SYT9: variants seen among roughly 807,000 people sequenced by gnomAD.
SYT9 encodes synaptotagmin-9.
Under a neutral mutation model 48.4 loss-of-function variants are expected in SYT9, and 22 were observed. That is an observed-to-expected ratio of 0.45 (90% CI 0.32 to 0.65). The LOEUF is 0.65. SYT9 is among the 30% of genes least tolerant of loss of function. The pLI is 0.03. For missense variants in SYT9, 577 were observed against 622.0 expected, an observed-to-expected ratio of 0.93 and a Z score of 0.77; for synonymous variants, 265 against 245.0, an observed-to-expected ratio of 1.08 and a Z score of -0.76.
chr11:7,368,906 A>T (rs2134026793), intron 3 of SYT9, among the ~76,000 whole-genome samples: 1 of 152,282 alleles, frequency 6.6e-6, no homozygotes, highest in African/African-American at 2.4e-5. Context: ...GGGTGGTTCT[A>T]AGTCTTTGCC....
At chr11:7,373,299 T>C (rs1283637566) in intron 3 of SYT9, among the ~76,000 whole-genome samples, 2 of 152,094 alleles carry the variant, frequency 1.3e-5, no homozygotes, top group Admixed American at 1.3e-4. Flanking sequence ...GTTGGAGCAT[T>C]GTTATTATTT....
intron 3 of SYT9, among the ~76,000 whole-genome samples, chr11:7,339,999 T>G (rs1849687973): frequency 6.6e-6 from 1 of 152,234 alleles, no homozygotes; most frequent in Non-Finnish European, 1.5e-5. Flanking sequence ...TGACAATGAT[T>G]AATAGATTTG....
chr11:7,376,212 A>T (rs892236890), intron 3 of SYT9, among the ~76,000 whole-genome samples: 1 of 152,034 alleles, frequency 6.6e-6, no homozygotes, highest in African/African-American at 2.4e-5. Context: ...AATATATTTA[A>T]TAAATGAATG....
intron 3 of SYT9, among the ~76,000 whole-genome samples, chr11:7,345,310 G>A (rs559342734): frequency 6.6e-6 from 1 of 152,302 alleles, no homozygotes; most frequent in South Asian, 2.1e-4. Context: ...GACATGGGCA[G>A]TTTTAGTTCT....
intron 6 of SYT9, among the ~76,000 whole-genome samples, chr11:7,428,571 T>G (rs1847510056): frequency 6.6e-6 from 1 of 152,186 alleles, no homozygotes; most frequent in African/African-American, 2.4e-5. Flanking sequence ...CAGAGGACAC[T>G]CAGGAAGCCC....
intron 3 of SYT9, among the ~76,000 whole-genome samples, chr11:7,394,596 G>A (rs1021073259): frequency 5.3e-5 from 8 of 152,042 alleles, no homozygotes; most frequent in African/African-American, 1.9e-4. Flanking sequence ...GCTAGTAGTC[G>A]ATTAATCTTG....
intron 6 of SYT9, among the ~76,000 whole-genome samples, chr11:7,423,588 T>C (rs1039646008): frequency 5.3e-5 from 8 of 152,366 alleles, no homozygotes; most frequent in African/African-American, 1.9e-4. Context: ...GTAGCTGATA[T>C]ATAATAAACA....
intron 1 of SYT9, among the ~76,000 whole-genome samples, chr11:7,299,349 G>A (rs1026142940): frequency 1.4e-4 from 22 of 152,066 alleles, no homozygotes; most frequent in African/African-American, 5.1e-4. Context: ...GTACTATCTA[G>A]AAGGCATACT....
intron 3 of SYT9, among the ~76,000 whole-genome samples, chr11:7,364,738 ACT>A (rs1220519035): frequency 6.6e-6 from 1 of 151,850 alleles, no homozygotes; most frequent in Non-Finnish European, 1.5e-5. Flanking sequence ...CCAGTTGAAA[ACT>A]CTAACCTGCC....
intron 3 of SYT9, among the ~76,000 whole-genome samples, chr11:7,367,624 G>A (rs969114090): frequency 6.6e-6 from 1 of 151,890 alleles, no homozygotes; most frequent in Non-Finnish European, 1.5e-5. Context: ...TGACTTGCCT[G>A]CTTCTTTTTT....
At chr11:7,417,162 G>GT (rs1399043461) in intron 4 of SYT9, among the ~76,000 whole-genome samples, 32 of 138,378 alleles carry the variant, frequency 2.3e-4, no homozygotes, top group Non-Finnish European at 2.5e-4. Flanking sequence ...ATATCCCAGT[G>GT]TTTTTGTTTT....
At chr11:7,262,597 G>A (rs558200384) in intron 1 of SYT9, among the ~76,000 whole-genome samples, 1 of 152,216 alleles carries the variant, frequency 6.6e-6, no homozygotes, top group South Asian at 2.1e-4. Flanking sequence ...AAGCAAGAGT[G>A]TTGACCTGGA....
At chr11:7,417,877 T>C in intron 4 of SYT9, 80 bp from the exon 5 acceptor site, 2 of 1,473,952 alleles carry the variant, frequency 1.4e-6, no homozygotes, top group Admixed American at 4.0e-5. Flanking sequence ...CCATAGTCCA[T>C]GAAAACTCAC....
intron 3 of SYT9, among the ~76,000 whole-genome samples, chr11:7,359,033 A>G (rs1850076139): frequency 6.6e-6 from 1 of 150,952 alleles, no homozygotes; most frequent in Middle Eastern, 3.2e-3. Context: ...CCAGAGTGTG[A>G]TGTTCCCCTT....
chr11:7,438,988 T>C (rs1847770741), intron 6 of SYT9: 1 of 152,146 alleles, frequency 6.6e-6, no homozygotes, highest in South Asian at 2.1e-4. Flanking sequence ...ACTCTAAAGC[T>C]CTAAAGGACC....
At chr11:7,416,366 A>G (rs1045013471) in intron 4 of SYT9, among the ~76,000 whole-genome samples, 9 of 152,226 alleles carry the variant, frequency 5.9e-5, no homozygotes, top group Non-Finnish European at 1.3e-4. Context: ...GAGTAATTAT[A>G]GCGTCTGGCT....
chr11:7,369,856 A>T (rs957133932), intron 3 of SYT9, among the ~76,000 whole-genome samples: 53 of 151,456 alleles, frequency 3.5e-4, no homozygotes, highest in African/African-American at 1.2e-3. Flanking sequence ...CATAAATTTT[A>T]AAAATTTGCA....
intron 1 of SYT9, among the ~76,000 whole-genome samples, chr11:7,294,299 A>G (rs1036277892): frequency 6.6e-6 from 1 of 152,190 alleles, no homozygotes; most frequent in Non-Finnish European, 1.5e-5. Context: ...CCCAAAATCT[A>G]TGTCCTTCTT....
At chr11:7,329,724 G>A (rs1849494954) in intron 3 of SYT9, among the ~76,000 whole-genome samples, 1 of 152,192 alleles carries the variant, frequency 6.6e-6, no homozygotes, top group South Asian at 2.1e-4. Context: ...GCTGGAAAGT[G>A]GCCAGATGAA....
Sources: allele counts gnomAD v4.1 joint callset (sites outside exome capture counted in the v4.1 genomes callset), GRCh38; gene constraint gnomAD v4.1.1; transcripts MANE v1.5; gene names NCBI Gene and HGNC (gene_info 2026-07-23, HGNC 2026-07-21).